AMMECR1: variants seen among roughly 807,000 people sequenced by gnomAD.
AMMECR1 encodes AMMECR nuclear protein 1, also known as nuclear protein AMMECR1.
AMMECR1 carries 3 observed loss-of-function variants against 22.5 expected under a neutral mutation model. That is an observed-to-expected ratio of 0.13 (90% CI 0.06 to 0.35). The LOEUF (loss-of-function observed/expected upper bound fraction) is 0.35. Among genes scored for constraint, AMMECR1 ranks in the 10% least tolerant of loss-of-function variants. The probability of loss-of-function intolerance (pLI) is 1.00; values close to 1 mark genes in which losing one functional copy is unlikely to be tolerated. For missense variants in AMMECR1, 235 were observed against 278.7 expected (o/e 0.84, Z 1.12); for synonymous variants, 130 against 116.7 (o/e 1.11, Z -0.74).
intron 2 of AMMECR1, among the ~76,000 whole-genome samples, chrX:110,254,898 A>T (rs748087061): frequency 8.9e-6 from 1 of 111,905 alleles, no homozygotes; most frequent in Non-Finnish European, 1.9e-5. Context: ...CTGATTTAGG[A>T]GCACACCTGG....
chrX:110,250,867 T>G (rs1047129576), intron 2 of AMMECR1, among the ~76,000 whole-genome samples: 11 of 112,006 alleles, frequency 9.8e-5, no homozygotes, highest in African/African-American at 3.2e-4. Flanking sequence ...ATGGCAGGAA[T>G]CAATTCACAT....
intron 1 of AMMECR1, among the ~76,000 whole-genome samples, chrX:110,311,082 T>C (rs2068021004): frequency 8.9e-6 from 1 of 112,197 alleles, no homozygotes; most frequent in Non-Finnish European, 1.9e-5. Context: ...ATATGAAGAA[T>C]GCTGAGAGTG....
intron 2 of AMMECR1, among the ~76,000 whole-genome samples, chrX:110,374,585 A>C (rs909292569): frequency 1.8e-5 from 2 of 112,176 alleles, no homozygotes; most frequent in African/African-American, 6.5e-5. Context: ...TACTTAGGCA[A>C]TTAATCTTTA....
intron 5 of AMMECR1, among the ~76,000 whole-genome samples, chrX:110,199,598 C>T (rs933850684): frequency 1.4e-4 from 16 of 110,919 alleles, no homozygotes; most frequent in African/African-American, 5.2e-4. Context: ...AAAGGGATTA[C>T]CTTGGTCCCT....
intron 3 of AMMECR1, among the ~76,000 whole-genome samples, chrX:110,212,796 C>A (rs1175335704): frequency 8.9e-6 from 1 of 111,785 alleles, no homozygotes; most frequent in Non-Finnish European, 1.9e-5. Context: ...GACTTCCCCA[C>A]AATCTTTTAA....
chrX:110,415,494 G>A (rs2068670816), intron 2 of AMMECR1, among the ~76,000 whole-genome samples: 1 of 111,396 alleles, frequency 9.0e-6, no homozygotes, highest in Admixed American at 9.6e-5. Flanking sequence ...AGACATTGTA[G>A]AAATGGAATT....
intron 2 of AMMECR1, among the ~76,000 whole-genome samples, chrX:110,360,443 T>A (rs1482824901): frequency 9.0e-6 from 1 of 111,677 alleles, no homozygotes; most frequent in Non-Finnish European, 1.9e-5. Flanking sequence ...CTATTACCAT[T>A]GTCCAGGTGG....
In AMMECR1 at chrX:110,277,116, G is replaced by A. The variant is rs879012262; in HGVS notation, c.474-12517C>T. 2.7e-5 allele frequency among the ~76,000 whole-genome samples: 3 copies of A among 111,113 alleles called. No homozygotes were observed. In the Admixed American group the frequency reaches 2.9e-4, roughly 11 times the overall value. On this transcript the variant is annotated intron_variant, in intron 1 of 5. Coordinates refer to ENST00000262844, the MANE Select transcript of AMMECR1 (RefSeq NM_015365.3). ...TAGTTGTTTATGGGAGATGTAAGGT[G>A]GAAAGGAGCAAGTCTTGCACCAGTT...
intron 2 of AMMECR1, among the ~76,000 whole-genome samples, chrX:110,360,775 G>A (rs866268557): frequency 3.6e-5 from 4 of 111,195 alleles, no homozygotes; most frequent in Non-Finnish European, 5.7e-5. Context: ...TAAAAGCCAA[G>A]TAAGACAAGG....
chrX:110,291,964 T>C (rs1019587650), intron 1 of AMMECR1, among the ~76,000 whole-genome samples: 1 of 111,876 alleles, frequency 8.9e-6, no homozygotes, highest in Non-Finnish European at 1.9e-5. Context: ...AAAACACCCA[T>C]AGAATGGAAT....
At chrX:110,384,553 A>C (rs2068441797) in intron 2 of AMMECR1, among the ~76,000 whole-genome samples, 1 of 111,881 alleles carries the variant, frequency 8.9e-6, no homozygotes, top group Admixed American at 9.5e-5. Context: ...CTTTTACTTG[A>C]ATGAATGAAC....
intron 2 of AMMECR1, among the ~76,000 whole-genome samples, chrX:110,396,905 A>G (rs933957075): frequency 3.3e-4 from 37 of 111,885 alleles, no homozygotes; most frequent in African/African-American, 1.2e-3. Flanking sequence ...TTGGACTCCT[A>G]TGTTTGTTTT....
At chrX:110,359,196 C>T (rs774431642) in intron 2 of AMMECR1, among the ~76,000 whole-genome samples, 4 of 111,185 alleles carry the variant, frequency 3.6e-5, no homozygotes, top group East Asian at 2.8e-4. Flanking sequence ...TATACTGCTT[C>T]GCAACAGAAA....
intron 2 of AMMECR1, among the ~76,000 whole-genome samples, chrX:110,233,912 C>T (rs748831826): frequency 8.9e-6 from 1 of 112,133 alleles, no homozygotes; most frequent in East Asian, 2.8e-4. Flanking sequence ...CCTTTGAAAA[C>T]TGGCAGAAGA....
chrX:110,369,768 A>T (rs905018997), intron 2 of AMMECR1, among the ~76,000 whole-genome samples: 3 of 111,743 alleles, frequency 2.7e-5, no homozygotes, highest in Non-Finnish European at 5.6e-5. Flanking sequence ...TGTACACACT[A>T]TTTTTTATAT....
At chrX:110,248,539 C>T (rs1375833960) in intron 2 of AMMECR1, among the ~76,000 whole-genome samples, 8 of 112,040 alleles carry the variant, frequency 7.1e-5, no homozygotes, top group East Asian at 5.6e-4. Flanking sequence ...ATACCAGTCA[C>T]GGATATATTT....
intron 1 of AMMECR1, among the ~76,000 whole-genome samples, chrX:110,429,172 T>G (rs1460072323): frequency 8.9e-6 from 1 of 112,162 alleles, no homozygotes; most frequent in Non-Finnish European, 1.9e-5. Flanking sequence ...ATAATTATTT[T>G]TATATGTGTG....
At chrX:110,247,737 C>T (rs2067666172) in intron 2 of AMMECR1, among the ~76,000 whole-genome samples, 1 of 110,348 alleles carries the variant, frequency 9.1e-6, no homozygotes, top group Admixed American at 9.6e-5. Flanking sequence ...ACACGTGTGA[C>T]ATGGACAATG....
intron 2 of AMMECR1, among the ~76,000 whole-genome samples, chrX:110,356,098 G>T (rs2068228781): frequency 9.1e-6 from 1 of 109,476 alleles, no homozygotes; most frequent in African/African-American, 3.3e-5. Context: ...GTTGGGGAAA[G>T]GGAAGATGTT....
Sources: gnomAD v4.1 joint callset for allele counts (sites outside exome capture counted in the v4.1 genomes callset) on GRCh38, gnomAD v4.1.1 for gene constraint, MANE v1.5 for transcripts, NCBI Gene and HGNC (gene_info 2026-07-23, HGNC 2026-07-21) for gene names.